CACNB2: variants seen among roughly 807,000 people sequenced by gnomAD.
The protein encoded by CACNB2 is calcium voltage-gated channel auxiliary subunit beta 2.
Under a neutral mutation model 73.3 loss-of-function variants are expected in CACNB2, and 42 were observed. The observed-to-expected ratio is 0.57, with a 90% CI of 0.45 to 0.74. CACNB2 has a LOEUF of 0.74. Among genes scored for constraint, CACNB2 ranks in the 30% least tolerant of loss-of-function variants. The pLI is 0.00. For missense variants in CACNB2, 940 were observed against 853.0 expected, an observed-to-expected ratio of 1.10 and a Z score of -1.27; for synonymous variants, 348 against 310.3, an observed-to-expected ratio of 1.12 and a Z score of -1.28.
chr10:18,163,710 C>T (rs549856841), intron 2 of CACNB2, among the ~76,000 whole-genome samples: 15 of 152,228 alleles, frequency 9.9e-5, no homozygotes, highest in East Asian at 1.9e-4. Flanking sequence ...CTTTTTCTAC[C>T]GGTTTGGAAC....
At position 18,409,599 on chromosome 10, in the gene CACNB2, C is replaced by T. The variant is rs549205323; in HGVS notation, c.333+7556C>T. On this transcript the variant is annotated intron_variant, in intron 3 of 13. Coordinates refer to ENST00000324631, the MANE Select transcript of CACNB2 (RefSeq NM_201596.3). The stretch of plus-strand genomic sequence containing the variant: ...CTCTGGACAATGTTTAATTTTTGAT[C>T]ATCTATTCATAATTAAGAGGAAGAC... 2.6e-5 allele frequency among the ~76,000 whole-genome samples: 4 copies of T among 152,322 alleles called. No homozygotes were observed. In the East Asian group the frequency reaches 7.7e-4, roughly 29 times the overall value.
At chr10:18,517,563 A>G (rs2051404321) in intron 7 of CACNB2, among the ~76,000 whole-genome samples, 1 of 152,222 alleles carries the variant, frequency 6.6e-6, no homozygotes, top group Non-Finnish European at 1.5e-5. Flanking sequence ...ATGCACATTG[A>G]TAATGAACCT....
At chr10:18,461,554 C>T (rs1405401490) in intron 3 of CACNB2, among the ~76,000 whole-genome samples, 1 of 151,512 alleles carries the variant, frequency 6.6e-6, no homozygotes, top group East Asian at 1.9e-4. Context: ...ACTATTTTTC[C>T]ACAGGTGGGG....
rs140850740 is a variant in CACNB2, at chr10:18,497,121, A to C, written c.334-1234A>C. 9.9e-3 allele frequency among the ~76,000 whole-genome samples: 1,503 copies of C among 151,312 alleles called. 27 individuals carry two copies. The highest frequency in any genetic ancestry group is 0.034 in the African/African-American group (1,412 of 41,338). Reference sequence around the variant, plus strand: ...AAGCTACTCGGGAGGCTGAAGCAGGAGAATCAATTGAACTCCAGAGGAGGA... The same window carrying C: ...AAGCTACTCGGGAGGCTGAAGCAGGCGAATCAATTGAACTCCAGAGGAGGA... On this transcript the variant is annotated intron_variant, in intron 3 of 13. Coordinates refer to ENST00000324631, the MANE Select transcript of CACNB2 (RefSeq NM_201596.3).
chr10:18,210,068 A>T (rs2035255922), intron 2 of CACNB2, among the ~76,000 whole-genome samples: 2 of 152,198 alleles, frequency 1.3e-5, no homozygotes, highest in Admixed American at 1.3e-4. Context: ...GAGTTACAGG[A>T]GGAGGGAATG....
chr10:18,441,660 A>G (rs374850818), intron 3 of CACNB2, among the ~76,000 whole-genome samples: 129 of 152,202 alleles, frequency 8.5e-4, no homozygotes, highest in African/African-American at 3.0e-3. Context: ...TTTTAAAGAC[A>G]GGGTCTCACT....
intron 2 of CACNB2, among the ~76,000 whole-genome samples, chr10:18,184,675 T>C (rs1482640507): frequency 4.3e-5 from 4 of 93,864 alleles, no homozygotes; most frequent in Admixed American, 3.5e-4. Context: ...TTTTTTTTTT[T>C]CAGTGTTGTG....
chr10:18,415,357 T>C (rs1277927455), intron 3 of CACNB2, among the ~76,000 whole-genome samples: 1 of 151,570 alleles, frequency 6.6e-6, no homozygotes, highest in East Asian at 1.9e-4. Flanking sequence ...TTCCAGCTAC[T>C]CAGAAGGCTG....
At chr10:18,356,938 A>ACGTCTTT (rs2041933750) in intron 2 of CACNB2, among the ~76,000 whole-genome samples, 1 of 94,446 alleles carries the variant, frequency 1.1e-5, no homozygotes, top group Non-Finnish European at 2.2e-5. Context: ...CCCAGACTCA[A>ACGTCTTT]TTTCTTTTTT....
intron 2 of CACNB2, among the ~76,000 whole-genome samples, chr10:18,348,285 A>G (rs1208127318): frequency 3.9e-5 from 6 of 152,252 alleles, no homozygotes; most frequent in African/African-American, 7.2e-5. Context: ...GAAATTGTGG[A>G]ATTCAGTTCA....
chr10:18,204,564 A>G (rs951050874), intron 2 of CACNB2, among the ~76,000 whole-genome samples: 3 of 152,198 alleles, frequency 2.0e-5, no homozygotes, highest in African/African-American at 7.2e-5. Flanking sequence ...CTGTCATAGG[A>G]TTCAAATTTC....
intron 5 of CACNB2, among the ~76,000 whole-genome samples, chr10:18,505,884 GAGAAGTATTCTGGGT>G (rs1281596411): frequency 6.6e-6 from 1 of 152,196 alleles, no homozygotes. Flanking sequence ...AGTCACGCTT[GAGAAGTATTCTGGGT>G]ACTATCTGAT....
chr10:18,368,175 A>T (rs2042432976), intron 2 of CACNB2, among the ~76,000 whole-genome samples: 1 of 152,192 alleles, frequency 6.6e-6, no homozygotes, highest in East Asian at 1.9e-4. Context: ...TAAGATTATG[A>T]ACAATAGCTA....
intron 2 of CACNB2, among the ~76,000 whole-genome samples, chr10:18,174,061 A>C (rs917558507): frequency 6.6e-6 from 1 of 152,184 alleles, no homozygotes; most frequent in Non-Finnish European, 1.5e-5. Context: ...ACTGTTCTCT[A>C]ATATTTCCTT....
At chr10:18,201,580 T>A (rs907181813) in intron 2 of CACNB2, among the ~76,000 whole-genome samples, 1 of 152,198 alleles carries the variant, frequency 6.6e-6, no homozygotes, top group Non-Finnish European at 1.5e-5. Context: ...TTCTATGTGT[T>A]GTTTTTAATT....
At chr10:18,275,730 A>G (rs552322721) in intron 2 of CACNB2, among the ~76,000 whole-genome samples, 7 of 152,352 alleles carry the variant, frequency 4.6e-5, no homozygotes, top group Non-Finnish European at 7.3e-5. Flanking sequence ...CATGCAACTC[A>G]TCATGGTTTT....
intron 7 of CACNB2, among the ~76,000 whole-genome samples, chr10:18,516,482 A>T (rs1157803402): frequency 6.6e-6 from 1 of 152,210 alleles, no homozygotes; most frequent in African/African-American, 2.4e-5. Flanking sequence ...ATTTCTTGGT[A>T]GCTGTTACTA....
chr10:18,229,770 T>C (rs1321114292), intron 2 of CACNB2, among the ~76,000 whole-genome samples: 1 of 152,196 alleles, frequency 6.6e-6, no homozygotes, highest in Non-Finnish European at 1.5e-5. Context: ...AATGAAGTAT[T>C]ATAGCTATGA....
intron 3 of CACNB2, among the ~76,000 whole-genome samples, chr10:18,462,273 A>C (rs1315448395): frequency 2.0e-5 from 3 of 152,234 alleles, no homozygotes; most frequent in Non-Finnish European, 4.4e-5. Flanking sequence ...TGATTGATTG[A>C]GACAGCGTCT....
Sources: gnomAD v4.1 joint callset for allele counts (sites outside exome capture counted in the v4.1 genomes callset) on GRCh38, gnomAD v4.1.1 for gene constraint, MANE v1.5 for transcripts, NCBI Gene and HGNC (gene_info 2026-07-23, HGNC 2026-07-21) for gene names.